The following ZNF146 variants were observed in gnomAD, a reference collection of about 807,000 sequenced individuals.
The protein encoded by ZNF146 is zinc finger protein 146, also known as zinc finger protein OZF.
Under a neutral mutation model 22.2 loss-of-function variants are expected in ZNF146, and 9 were observed. The observed-to-expected ratio is 0.41, with a 90% confidence interval of 0.24 to 0.71. The LOEUF is 0.71. ZNF146 is among the 30% of genes least tolerant of loss of function. ZNF146 has a pLI of 0.34. For missense variants in ZNF146, 194 were observed against 344.8 expected, an observed-to-expected ratio of 0.56 and a Z score of 3.46; for synonymous variants, 108 against 119.2, an observed-to-expected ratio of 0.91 and a Z score of 0.61.
chr19:36,227,389 CAAA>C (rs35503795), intron 2 of ZNF146, among the ~76,000 whole-genome samples: 7 of 106,834 alleles, frequency 6.6e-5, no homozygotes, highest in East Asian at 2.8e-4. Context: ...GTCTCTGTCA[CAAA>C]AAAAAAAAAA....
upstream of ZNF146, chr19:36,214,785 G>C (rs1397861840): frequency 6.6e-6 from 1 of 152,668 alleles, no homozygotes; most frequent in Non-Finnish European, 1.5e-5. Flanking sequence ...GTCGGGGCCT[G>C]GCTCGTTTTG....
intron 2 of ZNF146, among the ~76,000 whole-genome samples, chr19:36,218,918 C>G (rs1410709755): frequency 6.6e-6 from 1 of 151,790 alleles, no homozygotes; most frequent in East Asian, 1.9e-4. Context: ...ACGCCATTCT[C>G]CAGCCTTAGC....
upstream of ZNF146, chr19:36,214,765 T>C (rs984012658): frequency 5.9e-5 from 9 of 152,638 alleles, no homozygotes; most frequent in African/African-American, 2.2e-4. Flanking sequence ...TGGCGTTCTC[T>C]TATCTCTGAG....
chr19:36,231,174 C>T (rs1385088390), intron 3 of ZNF146, among the ~76,000 whole-genome samples: 2 of 152,100 alleles, frequency 1.3e-5, no homozygotes, highest in African/African-American at 4.8e-5. Context: ...ACCAGCCTGA[C>T]CAACATGGAG....
intron 3 of ZNF146, among the ~76,000 whole-genome samples, chr19:36,234,264 G>C (rs1306355231): frequency 6.6e-6 from 1 of 152,140 alleles, no homozygotes. Context: ...GAACAAAATG[G>C]AGTCTCTTAT....
intron 1 of ZNF146, among the ~76,000 whole-genome samples, chr19:36,217,441 T>C (rs1049874803): frequency 6.6e-5 from 10 of 151,846 alleles, no homozygotes; most frequent in East Asian, 3.9e-4. Context: ...CAGTGGGAGA[T>C]TGGTGTACAT....
chr19:36,228,875 T>G (rs900238463), intron 3 of ZNF146, 56 bp downstream of exon 3: 2 of 152,242 alleles, frequency 1.3e-5, no homozygotes, highest in African/African-American at 4.8e-5. Context: ...TCCTCTGAAG[T>G]GCTTCAAAGG....
intron 2 of ZNF146, among the ~76,000 whole-genome samples, chr19:36,220,923 C>G (rs10426716): frequency 2.0e-5 from 3 of 150,234 alleles, no homozygotes; most frequent in Non-Finnish European, 4.4e-5. Flanking sequence ...GTGATCTTGG[C>G]TCACTTGCAA....
intron 2 of ZNF146, among the ~76,000 whole-genome samples, chr19:36,219,516 T>A (rs1026328673): frequency 1.2e-4 from 18 of 152,306 alleles, no homozygotes; most frequent in East Asian, 3.9e-4. Flanking sequence ...ATTTTTTTTT[T>A]AATTCTAATT....
chr19:36,226,517 A>G lies in ZNF146; in HGVS notation c.-854-2231A>G, dbSNP rs377526878. Among the ~76,000 whole-genome samples the G allele has an allele frequency of 4.6e-5, 7 of 152,314 alleles. No homozygotes were observed. The East Asian group carries it at 9.6e-4, about 21-fold the overall frequency. ...ATGTATCCTTTACCCAATTTCACCA[A>G]TCATTTACATTTTGGTTGTTTTATT... On this transcript the variant is annotated intron_variant, in intron 2 of 3. Transcript: ENST00000443387.
chr19:36,232,083 G>A (rs1490051940), intron 3 of ZNF146, among the ~76,000 whole-genome samples: 2 of 151,318 alleles, frequency 1.3e-5, no homozygotes, highest in African/African-American at 2.4e-5. Context: ...CACACCTATC[G>A]TCCCAGCTAC....
At chr19:36,235,216 A>G (rs1977598909) in intron 3 of ZNF146, among the ~76,000 whole-genome samples, 1 of 141,796 alleles carries the variant, frequency 7.1e-6, no homozygotes, top group Admixed American at 7.0e-5. Context: ...TCAAAAAAAA[A>G]AAAAGAAGAA....
intron 2 of ZNF146, among the ~76,000 whole-genome samples, chr19:36,221,215 T>G (rs1976820726): frequency 6.6e-6 from 1 of 152,184 alleles, no homozygotes; most frequent in Non-Finnish European, 1.5e-5. Context: ...GAAATCGTTT[T>G]TCTGAGGAAT....
At chr19:36,233,938 A>G in intron 3 of ZNF146, among the ~76,000 whole-genome samples, 1 of 146,776 alleles carries the variant, frequency 6.8e-6, no homozygotes, top group East Asian at 1.9e-4. Context: ...GGGGACGGTC[A>G]GGTCTTTCCC....
Position 36,237,121 on chromosome 19 carries a change from C to G in ZNF146, c.681C>G (p.Leu227=), listed in dbSNP as rs377342595. 1.2e-6 allele frequency: 2 copies of G among 1,614,024 alleles called. No homozygotes were observed. Among genetic ancestry groups the G allele is most frequent in the African/African-American group, 2.7e-5 (2 of 74,914 alleles). The stretch of plus-strand genomic sequence containing the variant: ...AAGCCTTCTCTCAGAGCTCATCTCT[C>G]ACTGTGCATGTGAGAAGCCATACAG... ...CGKAFSQSSS[L]TVHVRSHTGE... The change falls in exon 4 of 4, where the codon CTC becomes CTG. Residue 227 remains leucine, a synonymous_variant. Transcript: ENST00000443387.
At chr19:36,219,242 C>T (rs1976739295) in intron 2 of ZNF146, among the ~76,000 whole-genome samples, 1 of 152,084 alleles carries the variant, frequency 6.6e-6, no homozygotes, top group African/African-American at 2.4e-5. Flanking sequence ...TTGCAGCCTC[C>T]ACCTCCTGGG....
Position 36,236,351 on chromosome 19 carries a change from G to A in ZNF146, c.-90G>A. 1 of 1,444,134 alleles carries A rather than the reference G, an allele frequency of 6.9e-7. No individual in the cohort carries two copies. Among genetic ancestry groups the A allele is most frequent in the Non-Finnish European group, 9.3e-7 (1 of 1,072,870 alleles). The allele number at this position is 1,444,134 out of a possible 1,614,324, so 89.5% of individuals were successfully genotyped here. A position where few individuals can be genotyped will look rare whatever the true frequency, so the allele number is the denominator to read the frequency against. On this transcript the variant is annotated 5_prime_UTR_variant, in exon 4 of 4. An upstream open reading frame in the 5' UTR gains an earlier in-frame stop. Coordinates refer to ENST00000443387, the MANE Select transcript of ZNF146 (RefSeq NM_007145.3). Reference sequence around the variant, plus strand: ...GAAGCCTTATAAATGTAAGAGATGTGGAAATATCTTCAGCCAAAAGTAAAT... The same window carrying A: ...GAAGCCTTATAAATGTAAGAGATGTAGAAATATCTTCAGCCAAAAGTAAAT...
intron 2 of ZNF146, among the ~76,000 whole-genome samples, chr19:36,222,678 T>C (rs1393010517): frequency 6.6e-6 from 1 of 152,068 alleles, no homozygotes; most frequent in Non-Finnish European, 1.5e-5. Flanking sequence ...CTAGGAACTG[T>C]CTATTCATAT....
rs564887677 is a variant in ZNF146 at position 36,218,187 on chromosome 19, G to A, written c.-863G>A. The A allele has an allele frequency of 6.7e-6, 1 of 149,516 alleles. No homozygotes were observed. Among genetic ancestry groups the A allele is most frequent in the Non-Finnish European group, 1.5e-5 (1 of 67,794 alleles). 9.3% of individuals were successfully genotyped at this position (149,516 alleles called of 1,614,324 possible). ...CTTCCTCTGCCACTTTTTACCTTGGGGACCTCAGGTAGGTACTTAAACCTT... is the reference window on the plus strand; with the variant it reads ...CTTCCTCTGCCACTTTTTACCTTGGAGACCTCAGGTAGGTACTTAAACCTT... On this transcript the variant is annotated 5_prime_UTR_variant, in exon 2 of 4. Coordinates refer to ENST00000443387, the MANE Select transcript of ZNF146 (RefSeq NM_007145.3).
Sources: allele counts gnomAD v4.1 joint callset (sites outside exome capture counted in the v4.1 genomes callset), GRCh38; gene constraint gnomAD v4.1.1; transcripts MANE v1.5; gene names NCBI Gene and HGNC (gene_info 2026-07-23, HGNC 2026-07-21).